Variants in CALN1 observed in about 807,000 individuals in gnomAD.
The protein encoded by CALN1 is calcium-binding protein 8.
In CALN1, 17 loss-of-function variants were observed where a neutral mutation model predicts 30.6. The ratio of observed to expected loss-of-function variants is 0.56; its 90% CI spans 0.38 to 0.83. The LOEUF (loss-of-function observed/expected upper bound fraction) is 0.83. CALN1 is among the 40% of genes least tolerant of loss of function. The pLI, the probability that CALN1 is intolerant of heterozygous loss-of-function variation, is 0.00. For missense variants in CALN1, 291 were observed against 354.9 expected, an observed-to-expected ratio of 0.82 and a Z score of 1.45; for synonymous variants, 156 against 131.4, an observed-to-expected ratio of 1.19 and a Z score of -1.28.
At chr7:71,809,474 A>AAAAG (rs1554342801) in intron 6 of CALN1, among the ~76,000 whole-genome samples, 1 of 151,266 alleles carries the variant, frequency 6.6e-6, no homozygotes, top group African/African-American at 2.4e-5. Flanking sequence ...CAAAAAAAAA[A>AAAAG]AAAAGAAAAG....
chr7:72,324,955 G>A (rs1801166384), intron 2 of CALN1, among the ~76,000 whole-genome samples: 1 of 152,110 alleles, frequency 6.6e-6, no homozygotes, highest in East Asian at 1.9e-4. Context: ...TTGGAAGCTC[G>A]ACAGATGCAT....
intron 3 of CALN1, among the ~76,000 whole-genome samples, chr7:72,125,564 G>A (rs568127380): frequency 3.9e-5 from 6 of 152,188 alleles, no homozygotes; most frequent in South Asian, 2.1e-4. Flanking sequence ...AGTAGACAGC[G>A]GTACAGAATT....
In CALN1 at chr7:72,405,885, C is replaced by T. The variant is rs1806663780; in HGVS notation, c.-73-2443G>A. Among the ~76,000 whole-genome samples the T allele has an allele frequency of 2.6e-5, 4 of 152,124 alleles. No homozygotes were observed. The South Asian group carries it at 8.3e-4, about 31-fold the overall frequency. Reference sequence around the variant, plus strand: ...GTTGAGTCCCTTCTCTTGTCAGGTCCCCCCAGGCAGTGTGGACATCAGAGC... The same window carrying T: ...GTTGAGTCCCTTCTCTTGTCAGGTCTCCCCAGGCAGTGTGGACATCAGAGC... On this transcript the variant is annotated intron_variant, in intron 1 of 6. Coordinates refer to ENST00000395275, the MANE Select transcript of CALN1 (RefSeq NM_031468.4).
intron 2 of CALN1, among the ~76,000 whole-genome samples, chr7:72,303,807 C>A (rs1799460405): frequency 6.6e-6 from 1 of 152,032 alleles, no homozygotes; most frequent in Non-Finnish European, 1.5e-5. Flanking sequence ...CCCAGGAGAT[C>A]AAGGCTTAGT....
chr7:72,139,292 C>T (rs976476351), intron 3 of CALN1, among the ~76,000 whole-genome samples: 8 of 152,124 alleles, frequency 5.3e-5, no homozygotes, highest in South Asian at 2.1e-4. Flanking sequence ...CTAAGCACCT[C>T]GGCCACACCC....
intron 5 of CALN1, among the ~76,000 whole-genome samples, chr7:71,878,827 C>G (rs1215522848): frequency 6.6e-6 from 1 of 152,166 alleles, no homozygotes; most frequent in African/African-American, 2.4e-5. Context: ...TCCCTCCACG[C>G]CAAGCCTGAA....
intron 2 of CALN1, among the ~76,000 whole-genome samples, chr7:72,379,434 T>C (rs1804762168): frequency 6.6e-6 from 1 of 152,254 alleles, no homozygotes; most frequent in South Asian, 2.1e-4. Context: ...CCAGACTAAA[T>C]GCTCTTCATG....
intron 2 of CALN1, among the ~76,000 whole-genome samples, chr7:72,312,775 T>C (rs1800140734): frequency 6.6e-6 from 1 of 151,720 alleles, no homozygotes; most frequent in Non-Finnish European, 1.5e-5. Context: ...TATTTTCCTA[T>C]TGAAAAAAAT....
chr7:71,817,415 G>A (rs556095231), intron 5 of CALN1, among the ~76,000 whole-genome samples: 15 of 152,198 alleles, frequency 9.9e-5, no homozygotes, highest in African/African-American at 3.4e-4. Flanking sequence ...AAGAGAATGT[G>A]GCCCATACAT....
chr7:71,818,675 TA>T (rs1212716184), intron 5 of CALN1, among the ~76,000 whole-genome samples: 166 of 3,852 alleles, frequency 0.043, no homozygotes, highest in African/African-American at 0.072. Context: ...CAGCTTATTT[TA>T]TTTATTTATT....
chr7:72,090,821 T>C (rs894192425), intron 4 of CALN1, among the ~76,000 whole-genome samples: 1 of 152,134 alleles, frequency 6.6e-6, no homozygotes, highest in Admixed American at 6.6e-5. Flanking sequence ...ACAAGCCAAG[T>C]GCAGAAAGAC....
At chr7:72,420,324 A>G (rs1313242288) in intron 1 of CALN1, among the ~76,000 whole-genome samples, 4 of 152,144 alleles carry the variant, frequency 2.6e-5, no homozygotes, top group Non-Finnish European at 2.9e-5. Flanking sequence ...TGAAATAACT[A>G]CATGACCTGG....
chr7:72,178,163 T>G (rs1365844805), intron 3 of CALN1, among the ~76,000 whole-genome samples: 1 of 152,130 alleles, frequency 6.6e-6, no homozygotes, highest in Admixed American at 6.5e-5. Context: ...CAATGTGTAT[T>G]GCATAAAGGA....
At chr7:72,169,969 G>A (rs1324633589) in intron 3 of CALN1, among the ~76,000 whole-genome samples, 7 of 151,392 alleles carry the variant, frequency 4.6e-5, no homozygotes, top group South Asian at 2.1e-4. Context: ...CTGGGATTAC[G>A]GGCGTGAGAC....
intron 1 of CALN1, among the ~76,000 whole-genome samples, chr7:72,408,039 C>T (rs945810515): frequency 2.0e-5 from 3 of 152,082 alleles, no homozygotes; most frequent in Admixed American, 6.6e-5. Flanking sequence ...GGCATTTAGG[C>T]GCAGGCAGGA....
chr7:72,275,236 C>T (rs1375210281), intron 3 of CALN1, among the ~76,000 whole-genome samples: 6 of 152,122 alleles, frequency 3.9e-5, no homozygotes, highest in African/African-American at 7.2e-5. Context: ...AACACATCAA[C>T]TCCCAGTGCA....
At chr7:72,221,349 T>C (rs1280270390) in intron 3 of CALN1, among the ~76,000 whole-genome samples, 3 of 139,826 alleles carry the variant, frequency 2.1e-5, no homozygotes, top group Non-Finnish European at 4.6e-5. Context: ...ACGGGGTATC[T>C]ATCTGTTGCC....
At chr7:72,259,542 G>C (rs1796135869) in intron 3 of CALN1, among the ~76,000 whole-genome samples, 1 of 152,126 alleles carries the variant, frequency 6.6e-6, no homozygotes, top group South Asian at 2.1e-4. Context: ...AGTTAATTAA[G>C]AGTATGGGCT....
Position 72,224,347 on chromosome 7 carries a change from C to T in CALN1, c.244+54339G>A, listed in dbSNP as rs535806553. ...ACAAGGAAATAGCATTCCTTCAGTTCCTAAGTCATATGGAAGGCAAAATTT... is the reference window on the plus strand; with the variant it reads ...ACAAGGAAATAGCATTCCTTCAGTTTCTAAGTCATATGGAAGGCAAAATTT... On this transcript the variant is annotated intron_variant, in intron 3 of 6. Transcript: ENST00000395275. Among the ~76,000 whole-genome samples, 3 of 152,174 alleles carry T rather than the reference C, an allele frequency of 2.0e-5. 1 individual carries two copies. Among genetic ancestry groups the T allele is most frequent in the East Asian group, 1.9e-4 (1 of 5,180 alleles).
Sources: gnomAD v4.1 joint callset for allele counts (sites outside exome capture counted in the v4.1 genomes callset) on GRCh38, gnomAD v4.1.1 for gene constraint, MANE v1.5 for transcripts, NCBI Gene and HGNC (gene_info 2026-07-23, HGNC 2026-07-21) for gene names.